Variants in FRMPD3 observed in about 807,000 individuals in gnomAD.
FRMPD3 encodes the protein FERM and PDZ domain containing 3.
Under a neutral mutation model 97.9 loss-of-function variants are expected in FRMPD3, and 42 were observed. The observed-to-expected ratio is 0.43, with a 90% CI of 0.34 to 0.55. FRMPD3 has a LOEUF of 0.55. FRMPD3 is among the 20% of genes least tolerant of loss of function. The probability of loss-of-function intolerance (pLI) is 0.03; values close to 1 mark genes in which losing one functional copy is unlikely to be tolerated. For missense variants in FRMPD3, 1,303 were observed against 1,457.7 expected (o/e 0.89, Z 1.73); for synonymous variants, 577 against 581.1 (o/e 0.99, Z 0.10).
At chrX:107,543,006 A>G (rs1361694647) in intron 4 of FRMPD3, among the ~76,000 whole-genome samples, 1 of 111,709 alleles carries the variant, frequency 9.0e-6, no homozygotes, top group Admixed American at 9.5e-5. Context: ...TCAGTATTCA[A>G]AATATATCCA....
At chrX:107,459,931 ACT>A (rs1556146849) in intron 1 of FRMPD3, among the ~76,000 whole-genome samples, 1 of 98,969 alleles carries the variant, frequency 1.0e-5, no homozygotes, top group Non-Finnish European at 2.1e-5. Flanking sequence ...ACACACACAC[ACT>A]CTGCATAGTC....
At chrX:107,594,246 T>C (rs998974983) in intron 13 of FRMPD3, among the ~76,000 whole-genome samples, 1 of 112,097 alleles carries the variant, frequency 8.9e-6, no homozygotes, top group African/African-American at 3.2e-5. Context: ...CTATCAGATC[T>C]AGGAGCTTTT....
At chrX:107,522,305 T>C (rs1922533296) in intron 1 of FRMPD3, 1 of 491,543 alleles carries the variant, frequency 2.0e-6, no homozygotes, top group Non-Finnish European at 3.6e-6. Flanking sequence ...CCTTCCTAAG[T>C]GCTTCTGTAA....
chrX:107,585,589 G>A (rs1489595459), intron 13 of FRMPD3, among the ~76,000 whole-genome samples: 1 of 111,502 alleles, frequency 9.0e-6, no homozygotes, highest in Non-Finnish European at 1.9e-5. Context: ...GTCATAAATA[G>A]CTCTTATTAT....
intron 2 of FRMPD3, among the ~76,000 whole-genome samples, chrX:107,529,701 GA>G (rs986127125): frequency 9.1e-6 from 1 of 110,497 alleles, no homozygotes; most frequent in Non-Finnish European, 1.9e-5. Flanking sequence ...TCTCAGTGTA[GA>G]AAAAAAAATA....
At chrX:107,557,576 G>C (rs1313535200) in intron 8 of FRMPD3, among the ~76,000 whole-genome samples, 3 of 104,541 alleles carry the variant, frequency 2.9e-5, no homozygotes, top group African/African-American at 1.0e-4. Flanking sequence ...TTTTTTTCTA[G>C]ATGTTTTATC....
Position 107,600,940 on chromosome X carries a change from G to A in FRMPD3, c.2901G>A (p.Lys967=). ...SAALQQVVHN[K]SLVTAGGALG... ...CCCTACAGCAAGTGGTTCACAATAA[G>A]AGTCTAGTCACTGCTGGTGGGGCTT... The change falls in exon 15 of 15, where the codon AAG becomes AAA. Residue 967 remains lysine (K), a synonymous_variant. Coordinates refer to ENST00000683843, the MANE Select transcript of FRMPD3 (RefSeq NM_001388459.1). The A allele has an allele frequency of 8.3e-7, 1 of 1,209,586 alleles. No homozygotes were observed. Among genetic ancestry groups the A allele is most frequent in the South Asian group, 1.8e-5 (1 of 56,551 alleles).
chrX:107,480,036 T>TAA (rs371473523), intron 1 of FRMPD3, among the ~76,000 whole-genome samples: 7 of 95,467 alleles, frequency 7.3e-5, no homozygotes, highest in African/African-American at 1.9e-4. Context: ...CTGTCTCATT[T>TAA]AAAAAAAAAA....
Position 107,554,467 on chromosome X carries a change from G to A in FRMPD3, c.725G>A (p.Arg242His), listed in dbSNP as rs755121793. ...CCCAAAGACCCTGTGGAGCTGCTGC[G>A]TCGGGATCCTGCTGCTTTTGAGTAC... Reference protein sequence around the residue: ...FFPKDPVELLRRDPAAFEYLY... With the variant: ...FFPKDPVELLHRDPAAFEYLY... The change falls in exon 8 of 15, where the codon CGT becomes CAT. Residue 242 changes from arginine (R) to histidine (H), a missense_variant. This residue lies in a region of FRMPD3 where 535 missense variants were observed against 618.6 expected (regional missense o/e 0.86). Coordinates refer to ENST00000683843, the MANE Select transcript of FRMPD3 (RefSeq NM_001388459.1). 11 of 1,210,053 alleles carry A rather than the reference G, an allele frequency of 9.1e-6. No individual in the cohort carries two copies. Among genetic ancestry groups the A allele is most frequent in the East Asian group, 8.9e-5 (3 of 33,804 alleles).
intron 1 of FRMPD3, among the ~76,000 whole-genome samples, chrX:107,455,342 C>G (rs1602748963): frequency 2.7e-5 from 3 of 111,722 alleles, no homozygotes; most frequent in Non-Finnish European, 5.6e-5. Flanking sequence ...ACAGCTTGAG[C>G]CCAGGAGTTT....
chrX:107,566,935 A>G (rs1262842706), intron 12 of FRMPD3, among the ~76,000 whole-genome samples: 1 of 111,299 alleles, frequency 9.0e-6, no homozygotes, highest in Non-Finnish European at 1.9e-5. Context: ...TGCCCTGGAG[A>G]GGCTACATTG....
chrX:107,530,473 G>T lies in FRMPD3; in HGVS notation c.213G>T (p.Val71=). The T allele has an allele frequency of 1.7e-6, 2 of 1,196,347 alleles. No individual in the cohort carries two copies. The highest frequency in any genetic ancestry group is 3.7e-5 in the South Asian group (2 of 54,481). ...DQIVAINEED[V]SEAPRERLIE... The stretch of plus-strand genomic sequence containing the variant: ...TTGTGGCTATTAATGAGGAAGACGT[G>T]AGTGAAGCCCCGAGGGAGAGACTCA... The change falls in exon 3 of 15, where the codon GTG becomes GTT. Residue 71 remains valine, a synonymous_variant. Transcript: ENST00000683843.
chrX:107,488,884 C>T lies in FRMPD3; in HGVS notation c.-7-37698C>T, dbSNP rs968031306. 2.7e-4 allele frequency among the ~76,000 whole-genome samples: 29 copies of T among 108,699 alleles called. No individual in the cohort carries two copies. The East Asian group carries it at 6.7e-3, about 25-fold the overall frequency. 94.4% of individuals were successfully genotyped at this position (108,699 alleles called of 115,157 possible). ...AGTTTTAGGGTACATGTGCACAACG[C>T]GCAGGTTTGTTACATATGTATACAT... On this transcript the variant is annotated intron_variant, in intron 1 of 14. Transcript: ENST00000683843.
chrX:107,601,531 C>A lies in FRMPD3; in HGVS notation c.3492C>A (p.Ser1164Arg). ...PSSQSRGQSP[S>R]CQPRGQSPLR... ...GCCAGTCTCGAGGTCAGAGCCCCAG[C>A]TGCCAACCTCGAGGCCAGAGCCCAC... is the stretch of plus-strand genomic sequence containing the variant. Residue 1164 changes from serine (S) to arginine (R), a missense_variant, in exon 15 of 15, where the codon AGC (serine) becomes AGA (arginine). Ser to Arg is a moderately radical substitution (Grantham distance 110). Transcript: ENST00000683843. 8.5e-7 allele frequency: 1 copy of A among 1,179,039 alleles called. No homozygotes were observed. Among genetic ancestry groups the A allele is most frequent in the African/African-American group, 1.8e-5 (1 of 56,729 alleles).
chrX:107,572,908 C>CTACTACTACTACTACTACTAA (rs796610991), intron 12 of FRMPD3, among the ~76,000 whole-genome samples: 9 of 101,005 alleles, frequency 8.9e-5, no homozygotes, highest in African/African-American at 3.4e-4. Flanking sequence ...ACTACTACTA[C>CTACTACTACTACTACTACTAA]TAATAATAAT....
intron 3 of FRMPD3, among the ~76,000 whole-genome samples, chrX:107,531,282 T>A (rs1258725572): frequency 1.8e-5 from 2 of 110,433 alleles, no homozygotes; most frequent in African/African-American, 3.3e-5. Flanking sequence ...AGCTTGGCTA[T>A]CTCACTCCAA....
At chrX:107,504,641 C>T (rs980299567) in intron 1 of FRMPD3, among the ~76,000 whole-genome samples, 1 of 112,021 alleles carries the variant, frequency 8.9e-6, no homozygotes, top group African/African-American at 3.2e-5. Flanking sequence ...AGCTAAAGAC[C>T]TTCCCAAAGT....
At chrX:107,456,769 T>C (rs1002516223) in intron 1 of FRMPD3, among the ~76,000 whole-genome samples, 1 of 112,442 alleles carries the variant, frequency 8.9e-6, no homozygotes, top group African/African-American at 3.2e-5. Context: ...GGTTGTTTGC[T>C]CTGCACAATT....
At chrX:107,529,345 G>T (rs1182600857) in intron 2 of FRMPD3, among the ~76,000 whole-genome samples, 2 of 111,314 alleles carry the variant, frequency 1.8e-5, no homozygotes, top group Non-Finnish European at 3.8e-5. Flanking sequence ...AGCATTTTGG[G>T]AGGCTGAGGT....
Sources: gnomAD v4.1 joint callset for allele counts (sites outside exome capture counted in the v4.1 genomes callset) on GRCh38, gnomAD v4.1.1 for gene constraint, gnomAD v4.1.1 regional missense constraint, MANE v1.5 for transcripts, NCBI Gene and HGNC (gene_info 2026-07-23, HGNC 2026-07-21) for gene names.